Variants in ITGBL1 observed in about 807,000 individuals in gnomAD.
ITGBL1 encodes the protein integrin beta-like protein 1.
ITGBL1 carries 51 observed loss-of-function variants against 68.5 expected under a neutral mutation model. The ratio of observed to expected loss-of-function variants is 0.74; its 90% CI spans 0.59 to 0.94. The LOEUF (loss-of-function observed/expected upper bound fraction) is 0.94, where lower values mean the gene tolerates loss of function less well. ITGBL1 is among the 40% of genes least tolerant of loss of function. The pLI, the probability that ITGBL1 is intolerant of heterozygous loss-of-function variation, is 0.00. For synonymous variants in ITGBL1, 209 were observed against 227.3 expected, an observed-to-expected ratio of 0.92 and a Z score of 0.72; for missense variants, 649 against 647.4, an observed-to-expected ratio of 1.00 and a Z score of -0.03.
At chr13:101,604,887 T>TATATATACACACACACACAC in intron 7 of ITGBL1, among the ~76,000 whole-genome samples, 6 of 22,158 alleles carry the variant, frequency 2.7e-4, no homozygotes, top group Admixed American at 8.1e-4. Context: ...TATATATATA[T>TATATATACACACACACACAC]ACACACACAC....
rs374036212 is a variant in ITGBL1, at chr13:101,598,189, A to G, written c.905A>G (p.Lys302Arg). The G allele has an allele frequency of 1.6e-5, 26 of 1,613,524 alleles. No individual in the cohort carries two copies. The highest frequency in any genetic ancestry group is 1.6e-4 in the Middle Eastern group (1 of 6,082). Residue 302 changes from lysine to arginine, a missense_variant, in exon 7 of 11, where the codon AAA becomes AGA. Lys to Arg is a conservative substitution (Grantham distance 26, BLOSUM62 2). Transcript: ENST00000376180. ...GQCNCGRCDC[K>R]AGWYGKKCEH... The stretch of plus-strand genomic sequence containing the variant: ...TGTAATTGCGGAAGATGTGACTGCA[A>G]AGCAGGCTGGTATGGGAAGAAGTGT...
At chr13:101,576,577 T>C (rs1372210232) in intron 4 of ITGBL1, among the ~76,000 whole-genome samples, 1 of 152,144 alleles carries the variant, frequency 6.6e-6, no homozygotes, top group Non-Finnish European at 1.5e-5. Flanking sequence ...AGAAGTATTG[T>C]TTTTCTGGAA....
rs142355395 is a variant in ITGBL1, at chr13:101,603,074, A to G, written c.1015+4775A>G. Among the ~76,000 whole-genome samples the G allele has an allele frequency of 9.2e-5, 14 of 151,932 alleles. No individual in the cohort carries two copies. In the East Asian group the frequency reaches 2.7e-3, roughly 29 times the overall value. Reference sequence around the variant, plus strand: ...ACTTTTTGGGTGGACATGTCTTTTAATTTCTTTGGGGTCTGTATCTGTGAG... The same window carrying G: ...ACTTTTTGGGTGGACATGTCTTTTAGTTTCTTTGGGGTCTGTATCTGTGAG... On this transcript the variant is annotated intron_variant, in intron 7 of 10. Transcript: ENST00000376180.
intron 6 of ITGBL1, among the ~76,000 whole-genome samples, chr13:101,586,142 G>A (rs573396866): frequency 1.3e-5 from 2 of 152,228 alleles, no homozygotes; most frequent in East Asian, 3.9e-4. Flanking sequence ...TGTCATTAAG[G>A]AGGCTGCACT....
intron 2 of ITGBL1, among the ~76,000 whole-genome samples, chr13:101,515,952 G>T (rs542825187): frequency 5.3e-5 from 8 of 152,092 alleles, no homozygotes; most frequent in South Asian, 2.1e-4. Flanking sequence ...AACATGGAAG[G>T]CCTGATTAAC....
At chr13:101,665,451 A>G (rs1194693999) in intron 7 of ITGBL1, among the ~76,000 whole-genome samples, 1 of 152,020 alleles carries the variant, frequency 6.6e-6, no homozygotes, top group East Asian at 1.9e-4. Flanking sequence ...AAATATAACT[A>G]TTTTTAAAAT....
rs1192363139 is a variant in ITGBL1 at position 101,531,033 on chromosome 13, AG to A, written c.317-36665del. 2.5e-5 allele frequency among the ~76,000 whole-genome samples: 3 copies of A among 122,168 alleles called. No individual in the cohort carries two copies. In the East Asian group the frequency reaches 7.1e-4, roughly 29 times the overall value. 80.1% of individuals were successfully genotyped at this position (122,168 alleles called of 152,430 possible). ...CTACTAGAGGAGCTGTAATATAGGA[AG>A]AAATATTAGAGGATTTTTTTTATTT... On this transcript the variant is annotated intron_variant, in intron 2 of 10. Coordinates refer to ENST00000376180, the MANE Select transcript of ITGBL1 (RefSeq NM_004791.3).
intron 2 of ITGBL1, among the ~76,000 whole-genome samples, chr13:101,519,042 A>G (rs1448448001): frequency 6.6e-6 from 1 of 152,078 alleles, no homozygotes; most frequent in African/African-American, 2.4e-5. Flanking sequence ...TGCAGAAAAT[A>G]CTCCTTTTTC....
At chr13:101,561,467 C>T (rs947504593) in intron 2 of ITGBL1, among the ~76,000 whole-genome samples, 4 of 152,060 alleles carry the variant, frequency 2.6e-5, no homozygotes, top group Admixed American at 2.6e-4. Flanking sequence ...GGGAAGGAAA[C>T]AGGAACATAA....
At chr13:101,469,994 C>T (rs1195732874) in intron 2 of ITGBL1, among the ~76,000 whole-genome samples, 1 of 152,134 alleles carries the variant, frequency 6.6e-6, no homozygotes, top group Non-Finnish European at 1.5e-5. Context: ...CAGTTAAATT[C>T]AAAAGGCACT....
At chr13:101,591,118 G>T (rs1408063963) in intron 6 of ITGBL1, among the ~76,000 whole-genome samples, 1 of 152,130 alleles carries the variant, frequency 6.6e-6, no homozygotes, top group Admixed American at 6.6e-5. Context: ...GGCCAGGCTG[G>T]TCTTGAACTC....
At chr13:101,566,381 CAA>C (rs1335634805) in intron 2 of ITGBL1, among the ~76,000 whole-genome samples, 1 of 152,028 alleles carries the variant, frequency 6.6e-6, no homozygotes, top group Non-Finnish European at 1.5e-5. Context: ...GCAAGACTGA[CAA>C]TATTTTGTAG....
chr13:101,689,211 T>TATAAAAAAAAACAAAAA (rs2033824428), intron 7 of ITGBL1, among the ~76,000 whole-genome samples: 1 of 74,868 alleles, frequency 1.3e-5, no homozygotes, highest in Admixed American at 1.4e-4. Flanking sequence ...AGACTCTGCC[T>TATAAAAAAAAACAAAAA]AAAAAAAAAA....
chr13:101,514,194 T>C (rs1180621966), intron 2 of ITGBL1, among the ~76,000 whole-genome samples: 1 of 152,074 alleles, frequency 6.6e-6, no homozygotes, highest in Non-Finnish European at 1.5e-5. Flanking sequence ...TATGAAGAAG[T>C]GTGTTGGCTG....
chr13:101,522,669 AGTGT>A (rs2049305357), intron 2 of ITGBL1, among the ~76,000 whole-genome samples: 1 of 152,228 alleles, frequency 6.6e-6, no homozygotes. Flanking sequence ...ATATTTACTG[AGTGT>A]CTACAATGTG....
intron 7 of ITGBL1, among the ~76,000 whole-genome samples, chr13:101,689,830 C>T (rs2033844921): frequency 6.6e-6 from 1 of 152,178 alleles, no homozygotes; most frequent in East Asian, 1.9e-4. Flanking sequence ...TATTCATCCT[C>T]TCAAGAATTT....
chr13:101,509,416 C>T (rs1167495911), intron 2 of ITGBL1, among the ~76,000 whole-genome samples: 1 of 152,066 alleles, frequency 6.6e-6, no homozygotes, highest in Admixed American at 6.6e-5. Flanking sequence ...TATTCTTATA[C>T]CAGCATTAAG....
intron 8 of ITGBL1, among the ~76,000 whole-genome samples, chr13:101,695,069 G>A (rs999533379): frequency 6.6e-6 from 1 of 152,208 alleles, no homozygotes; most frequent in Non-Finnish European, 1.5e-5. Flanking sequence ...ATGAAAAGGA[G>A]CTGAGTGATC....
At chr13:101,508,680 T>A (rs1440033209) in intron 2 of ITGBL1, among the ~76,000 whole-genome samples, 2 of 152,174 alleles carry the variant, frequency 1.3e-5, no homozygotes, top group East Asian at 3.8e-4. Context: ...TACATTGTTT[T>A]ATTCTATGTT....
Sources: allele counts gnomAD v4.1 joint callset (sites outside exome capture counted in the v4.1 genomes callset), GRCh38; gene constraint gnomAD v4.1.1; transcripts MANE v1.5; gene names NCBI Gene and HGNC (gene_info 2026-07-23, HGNC 2026-07-21).